The following SLC9A9 variants were observed in gnomAD, a reference collection of about 807,000 sequenced individuals.
SLC9A9 encodes solute carrier family 9 member A9.
SLC9A9 carries 62 observed loss-of-function variants against 77.8 expected under a neutral mutation model. That is an observed-to-expected ratio of 0.80 (90% CI 0.65 to 0.98). The LOEUF (loss-of-function observed/expected upper bound fraction) is 0.98. SLC9A9 is among the 50% of genes least tolerant of loss of function. The pLI is 0.00. For missense variants in SLC9A9, 775 were observed against 774.9 expected, an observed-to-expected ratio of 1.00 and a Z score of 0.00; for synonymous variants, 320 against 283.5, an observed-to-expected ratio of 1.13 and a Z score of -1.29.
intron 9 of SLC9A9, among the ~76,000 whole-genome samples, chr3:143,551,389 T>A (rs1374049378): frequency 6.6e-6 from 1 of 152,210 alleles, no homozygotes; most frequent in Non-Finnish European, 1.5e-5. Context: ...TGAGTTGGTC[T>A]CTGCTGTCAC....
At chr3:143,569,281 T>C (rs189252647) in intron 8 of SLC9A9, among the ~76,000 whole-genome samples, 41 of 151,150 alleles carry the variant, frequency 2.7e-4, no homozygotes, top group African/African-American at 9.2e-4. Flanking sequence ...AAATAAACCA[T>C]GAAGCTGAAA....
At chr3:143,618,169 G>C (rs1048766014) in intron 6 of SLC9A9, among the ~76,000 whole-genome samples, 2 of 152,184 alleles carry the variant, frequency 1.3e-5, no homozygotes, top group African/African-American at 2.4e-5. Context: ...CATTAATATA[G>C]ACCATTTCCT....
At chr3:143,681,108 A>G (rs1171887539) in intron 5 of SLC9A9, among the ~76,000 whole-genome samples, 2 of 152,156 alleles carry the variant, frequency 1.3e-5, no homozygotes, top group Non-Finnish European at 2.9e-5. Flanking sequence ...CTTTGAACCT[A>G]AGAGTGATAA....
At chr3:143,566,160 T>C (rs754459655) in intron 8 of SLC9A9, among the ~76,000 whole-genome samples, 29 of 152,126 alleles carry the variant, frequency 1.9e-4, no homozygotes, top group Non-Finnish European at 3.5e-4. Context: ...TCCTTATCTA[T>C]TGCAAAATAG....
At chr3:143,428,658 T>C (rs1277383725) in intron 12 of SLC9A9, among the ~76,000 whole-genome samples, 3 of 152,082 alleles carry the variant, frequency 2.0e-5, no homozygotes, top group Non-Finnish European at 2.9e-5. Flanking sequence ...TACTTCACAA[T>C]AGTCAAGATA....
At chr3:143,821,368 C>A (rs2108881145) in intron 2 of SLC9A9, among the ~76,000 whole-genome samples, 1 of 152,268 alleles carries the variant, frequency 6.6e-6, no homozygotes, top group Non-Finnish European at 1.5e-5. Flanking sequence ...CTAAAATATG[C>A]TCAGAGAAAT....
At chr3:143,788,772 A>G (rs992402741) in intron 4 of SLC9A9, among the ~76,000 whole-genome samples, 1 of 151,390 alleles carries the variant, frequency 6.6e-6, no homozygotes, top group African/African-American at 2.4e-5. Flanking sequence ...AAAGTATAAG[A>G]GGCAAACTAA....
At chr3:143,777,113 T>C (rs2007716475) in intron 4 of SLC9A9, among the ~76,000 whole-genome samples, 1 of 152,138 alleles carries the variant, frequency 6.6e-6, no homozygotes, top group Non-Finnish European at 1.5e-5. Context: ...CTCTCAGAAA[T>C]ACCAGTCTGG....
chr3:143,456,043 G>GT (rs544539909), intron 12 of SLC9A9, among the ~76,000 whole-genome samples: 8 of 151,888 alleles, frequency 5.3e-5, no homozygotes, highest in East Asian at 3.9e-4. Flanking sequence ...TTAGGTATAA[G>GT]TTTTTTTAGA....
chr3:143,267,608 C>T (rs562049747), intron 15 of SLC9A9, among the ~76,000 whole-genome samples: 34 of 152,240 alleles, frequency 2.2e-4, no homozygotes, highest in Non-Finnish European at 3.8e-4. Flanking sequence ...TCACTTTGGT[C>T]TCCCAAAGTG....
chr3:143,398,479 T>A (rs2033777718), intron 12 of SLC9A9, among the ~76,000 whole-genome samples: 1 of 152,192 alleles, frequency 6.6e-6, no homozygotes, highest in Non-Finnish European at 1.5e-5. Flanking sequence ...ATATGTAGAA[T>A]CTACACTAGG....
chr3:143,493,868 C>T, intron 10 of SLC9A9, 104 bp from the exon 11 acceptor site: 1 of 838,744 alleles, frequency 1.2e-6, no homozygotes, highest in East Asian at 2.5e-5. Flanking sequence ...CATTATGACC[C>T]CAAAACCAGA....
intron 5 of SLC9A9, among the ~76,000 whole-genome samples, chr3:143,662,187 A>G (rs552657517): frequency 6.6e-6 from 1 of 152,220 alleles, no homozygotes; most frequent in Non-Finnish European, 1.5e-5. Context: ...GAAATGTTCT[A>G]TTGTACTAGA....
At chr3:143,297,259 A>G (rs2030311859) in intron 14 of SLC9A9, among the ~76,000 whole-genome samples, 1 of 152,194 alleles carries the variant, frequency 6.6e-6, no homozygotes, top group Admixed American at 6.5e-5. Context: ...AGTGCTATTC[A>G]TTAAAGAGTG....
chr3:143,642,119 A>C (rs955047446), intron 6 of SLC9A9, among the ~76,000 whole-genome samples: 1 of 152,204 alleles, frequency 6.6e-6, no homozygotes, highest in Non-Finnish European at 1.5e-5. Flanking sequence ...TTCTTAAATG[A>C]CATTTTAGTT....
chr3:143,778,037 C>CAAAAAAAACAAAAAAAAAA (rs2007753320), intron 4 of SLC9A9, among the ~76,000 whole-genome samples: 1 of 75,572 alleles, frequency 1.3e-5, no homozygotes, highest in Non-Finnish European at 2.4e-5. Flanking sequence ...TTATAAAATG[C>CAAAAAAAACAAAAAAAAAA]AAAAAAAAAA....
chr3:143,701,940 A>G (rs1419593145), intron 4 of SLC9A9, among the ~76,000 whole-genome samples: 2 of 152,188 alleles, frequency 1.3e-5, no homozygotes, highest in Admixed American at 1.3e-4. Context: ...AATAACATAC[A>G]ATAGGGCTCC....
intron 1 of SLC9A9, among the ~76,000 whole-genome samples, chr3:143,843,076 A>T (rs57718888): frequency 1.5e-5 from 2 of 132,408 alleles, no homozygotes; most frequent in South Asian, 4.3e-4. Context: ...AGATTAAGAA[A>T]CTTAAATCTC....
chr3:143,357,168 T>C (rs2032615934), intron 14 of SLC9A9, among the ~76,000 whole-genome samples: 1 of 148,906 alleles, frequency 6.7e-6, no homozygotes, highest in South Asian at 2.1e-4. Context: ...TTTCTGAAAC[T>C]ACTTGTGGAG....
Sources: gnomAD v4.1 joint callset for allele counts (sites outside exome capture counted in the v4.1 genomes callset) on GRCh38, gnomAD v4.1.1 for gene constraint, MANE v1.5 for transcripts, NCBI Gene and HGNC (gene_info 2026-07-23, HGNC 2026-07-21) for gene names.